Variants in INPP4B observed in about 807,000 individuals in gnomAD.
The protein encoded by INPP4B is inositol polyphosphate 4-phosphatase type II.
A neutral mutation model predicts 122.5 loss-of-function variants in INPP4B; 55 were observed. That is an observed-to-expected ratio of 0.45 (90% CI 0.36 to 0.56). The LOEUF (loss-of-function observed/expected upper bound fraction) is 0.56, where lower values mean the gene tolerates loss of function less well. Ranked by LOEUF, INPP4B falls within the 20% of genes least tolerant of loss-of-function variation. The probability of loss-of-function intolerance (pLI) is 0.00; values close to 1 mark genes in which losing one functional copy is unlikely to be tolerated. For missense variants in INPP4B, 1,000 were observed against 1,097.7 expected, an observed-to-expected ratio of 0.91 and a Z score of 1.26; for synonymous variants, 403 against 388.7, an observed-to-expected ratio of 1.04 and a Z score of -0.43.
At chr4:142,528,361 C>T (rs1013303762) in intron 2 of INPP4B, among the ~76,000 whole-genome samples, 17 of 152,024 alleles carry the variant, frequency 1.1e-4, no homozygotes, top group African/African-American at 4.1e-4. Context: ...TAGAGAGGAA[C>T]ACACTTCCAA....
In INPP4B at chr4:142,245,880, A is replaced by G. The variant is rs1444243525; in HGVS notation, c.689-7869T>C. Among the ~76,000 whole-genome samples the G allele has an allele frequency of 2.0e-3, 50 of 24,762 alleles. 1 individual carries two copies. The highest frequency in any genetic ancestry group is 4.5e-3 in the African/African-American group (47 of 10,434). The allele number at this position is 24,762 out of a possible 152,430, so 16.2% of individuals were successfully genotyped here. ...CATATATGTGTATGTATACATATATATGTGTATGTATACATATATGTGTAT... is the reference window on the plus strand; with the variant it reads ...CATATATGTGTATGTATACATATATGTGTGTATGTATACATATATGTGTAT... On this transcript the variant is annotated intron_variant, in intron 11 of 25. Transcript: ENST00000262992.
rs867735203 is a variant in INPP4B, at chr4:142,831,763, A to T, written c.-254+14446T>A. ...ATATCTGCAATGTTCATGCAATGTTAGTTCACAACAGTCCTCCATTAAGAG... is the reference window on the plus strand; with the variant it reads ...ATATCTGCAATGTTCATGCAATGTTTGTTCACAACAGTCCTCCATTAAGAG... On this transcript the variant is annotated intron_variant, in intron 1 of 25. Coordinates refer to ENST00000262992, the MANE Select transcript of INPP4B (RefSeq NM_001101669.3). Among the ~76,000 whole-genome samples the T allele has an allele frequency of 7.2e-5, 11 of 152,378 alleles. No individual in the cohort carries two copies. In the Middle Eastern group the frequency reaches 0.01, roughly 141 times the overall value.
intron 22 of INPP4B, 35 bp downstream of exon 22, chr4:142,112,507 A>C (rs1790728921): frequency 6.2e-7 from 1 of 1,609,424 alleles, no homozygotes; most frequent in Admixed American, 1.7e-5. Flanking sequence ...GGAACAAAGA[A>C]AAATCTCAAG....
intron 7 of INPP4B, among the ~76,000 whole-genome samples, chr4:142,402,562 G>T (rs933270897): frequency 6.6e-6 from 1 of 152,156 alleles, no homozygotes; most frequent in African/African-American, 2.4e-5. Flanking sequence ...CATTGTAAAA[G>T]TAGAGCACTT....
chr4:142,257,740 G>T (rs1331826429), intron 11 of INPP4B, among the ~76,000 whole-genome samples: 1 of 152,150 alleles, frequency 6.6e-6, no homozygotes, highest in Admixed American at 6.5e-5. Flanking sequence ...ATGCTCATGG[G>T]TAGGATGAAT....
rs2152760153 is a variant in INPP4B, at chr4:142,124,734, G to A, written c.1747C>T (p.Leu583Phe). Residue 583 changes from leucine (L) to phenylalanine (F), a missense_variant, in exon 19 of 26, where the codon CTC (leucine) becomes TTC (phenylalanine). Transcript: ENST00000262992. ...ATGCAGTCCTTCAGGGTAAGGATGA[G>A]GGGATACAACTGTTCATACCAGTCC... The part of the protein sequence containing the change: ...REDWYEQLYP[L>F]ILTLKDCMGE... 2.5e-6 allele frequency: 4 copies of A among 1,598,760 alleles called. No individual in the cohort carries two copies. Among genetic ancestry groups the A allele is most frequent in the Non-Finnish European group, 3.4e-6 (4 of 1,169,496 alleles).
chr4:142,833,363 A>T (rs949674209), intron 1 of INPP4B, among the ~76,000 whole-genome samples: 12 of 152,092 alleles, frequency 7.9e-5, no homozygotes, highest in Non-Finnish European at 1.6e-4. Flanking sequence ...CTTCTCTATT[A>T]AATATGCTCA....
intron 1 of INPP4B, among the ~76,000 whole-genome samples, chr4:142,821,347 A>G (rs1486449202): frequency 2.0e-5 from 3 of 152,072 alleles, no homozygotes; most frequent in Non-Finnish European, 4.4e-5. Flanking sequence ...CTTACATTAT[A>G]TTAGAAATAC....
chr4:142,818,614 A>C (rs1331087004), intron 1 of INPP4B, among the ~76,000 whole-genome samples: 1 of 152,100 alleles, frequency 6.6e-6, no homozygotes, highest in Non-Finnish European at 1.5e-5. Context: ...TAGCAATAAA[A>C]ATTTTTGTGG....
Position 142,427,206 on chromosome 4 carries a change from C to T in INPP4B, c.136+1967G>A, listed in dbSNP as rs1401913771. On this transcript the variant is annotated intron_variant, in intron 5 of 25. Coordinates refer to ENST00000262992, the MANE Select transcript of INPP4B (RefSeq NM_001101669.3). ...TTCAAGAAATGGTGTAGTTGAAGAT[C>T]TTAAAGTGCTAAGGAACCTAACAGT... 2.6e-5 allele frequency: 6 copies of T among 230,674 alleles called. No individual in the cohort carries two copies. The Admixed American group carries it at 3.4e-4, about 13-fold the overall frequency. The allele number at this position is 230,674 out of a possible 1,614,324, so 14.3% of individuals were successfully genotyped here.
At chr4:142,350,266 G>A (rs552221510) in intron 7 of INPP4B, among the ~76,000 whole-genome samples, 23 of 151,996 alleles carry the variant, frequency 1.5e-4, no homozygotes, top group African/African-American at 5.1e-4. Flanking sequence ...AATAGAAATC[G>A]AATCATTGTT....
intron 2 of INPP4B, among the ~76,000 whole-genome samples, chr4:142,722,404 T>G (rs1355581788): frequency 6.6e-6 from 1 of 152,098 alleles, no homozygotes; most frequent in Non-Finnish European, 1.5e-5. Flanking sequence ...ATAAATAAGG[T>G]AAGAAACATA....
chr4:142,580,742 A>C (rs1734884679), intron 2 of INPP4B, among the ~76,000 whole-genome samples: 1 of 152,082 alleles, frequency 6.6e-6, no homozygotes, highest in South Asian at 2.1e-4. Context: ...AATCTATTCT[A>C]TTTTACTGGA....
intron 2 of INPP4B, among the ~76,000 whole-genome samples, chr4:142,610,843 A>T (rs999445341): frequency 5.9e-5 from 9 of 152,148 alleles, no homozygotes; most frequent in Non-Finnish European, 1.2e-4. Flanking sequence ...TGGAAGCATC[A>T]TTTTTTAAAA....
chr4:142,653,898 C>T (rs948849432), intron 2 of INPP4B, among the ~76,000 whole-genome samples: 4 of 152,234 alleles, frequency 2.6e-5, no homozygotes, highest in South Asian at 2.1e-4. Flanking sequence ...ATAAATCATG[C>T]TACTATAAAG....
chr4:142,644,551 G>A (rs1428407951), intron 2 of INPP4B, among the ~76,000 whole-genome samples: 1 of 151,734 alleles, frequency 6.6e-6, no homozygotes, highest in Non-Finnish European at 1.5e-5. Context: ...TAACTTCAGT[G>A]ACAGAACATT....
At chr4:142,499,743 C>G (rs894890178) in intron 2 of INPP4B, among the ~76,000 whole-genome samples, 2 of 152,124 alleles carry the variant, frequency 1.3e-5, no homozygotes, top group African/African-American at 4.8e-5. Flanking sequence ...ATTACTAATT[C>G]AATAATCCTC....
At chr4:142,814,402 T>C (rs1415387728) in intron 1 of INPP4B, among the ~76,000 whole-genome samples, 2 of 152,160 alleles carry the variant, frequency 1.3e-5, no homozygotes, top group East Asian at 3.9e-4. Flanking sequence ...GTGTCTATTT[T>C]TTCTTGAGAC....
chr4:142,038,194 G>GC (rs1745152713), intron 25 of INPP4B, among the ~76,000 whole-genome samples: 1 of 152,018 alleles, frequency 6.6e-6, no homozygotes, highest in African/African-American at 2.4e-5. Flanking sequence ...TTCAAAAACT[G>GC]CAACTATTTA....
Sources: gnomAD v4.1 joint callset for allele counts (sites outside exome capture counted in the v4.1 genomes callset) on GRCh38, gnomAD v4.1.1 for gene constraint, MANE v1.5 for transcripts, NCBI Gene and HGNC (gene_info 2026-07-23, HGNC 2026-07-21) for gene names.